Variants in LRBA observed in about 807,000 individuals in gnomAD.
The protein encoded by LRBA is LPS responsive beige-like anchor protein.
LRBA carries 176 observed loss-of-function variants against 330.0 expected under a neutral mutation model. That is an observed-to-expected ratio of 0.53 (90% CI 0.47 to 0.60). The LOEUF (loss-of-function observed/expected upper bound fraction) is 0.60. Ranked by LOEUF, LRBA falls within the 20% of genes least tolerant of loss-of-function variation. The pLI, the probability that LRBA is intolerant of heterozygous loss-of-function variation, is 0.00. For synonymous variants in LRBA, 1,230 were observed against 1,193.0 expected (o/e 1.03, Z -0.64); for missense variants, 3,259 against 3,444.8 (o/e 0.95, Z 1.35).
rs116718708 is a variant in LRBA, at chr4:150,792,574, C to A, written c.5580+5507G>T. 5.8e-3 allele frequency among the ~76,000 whole-genome samples: 878 copies of A among 152,234 alleles called. 6 individuals carry two copies. The highest frequency in any genetic ancestry group is 0.02 in the African/African-American group (827 of 41,524). On this transcript the variant is annotated intron_variant, in intron 34 of 56. Coordinates refer to ENST00000651943, the MANE Select transcript of LRBA (RefSeq NM_001364905.1). ...CCCAGACTGGAGTGCACCAGTGCGA[C>A]CCTAGCTCACTGTAACCTCGAATCT... is the stretch of plus-strand genomic sequence containing the variant.
chr4:150,842,901 G>A (rs116660998), intron 28 of LRBA, among the ~76,000 whole-genome samples: 15 of 152,096 alleles, frequency 9.9e-5, no homozygotes, highest in Non-Finnish European at 2.2e-4. Context: ...ACCTGTAGGG[G>A]GTAAGAGGCG....
chr4:150,341,773 AT>A (rs949019164), intron 48 of LRBA, among the ~76,000 whole-genome samples: 6 of 151,362 alleles, frequency 4.0e-5, no homozygotes, highest in Non-Finnish European at 8.8e-5. Flanking sequence ...TTTTAAAAAA[AT>A]ATATTTCTTA....
At chr4:150,922,921 T>A (rs571018861) in intron 4 of LRBA, among the ~76,000 whole-genome samples, 1 of 152,130 alleles carries the variant, frequency 6.6e-6, no homozygotes, top group African/African-American at 2.4e-5. Context: ...ATTTCCAAAG[T>A]CACATGGGTA....
At chr4:150,909,634 A>G (rs978982910) in intron 9 of LRBA, among the ~76,000 whole-genome samples, 1 of 152,174 alleles carries the variant, frequency 6.6e-6, no homozygotes, top group Non-Finnish European at 1.5e-5. Flanking sequence ...TTGTGTGCAA[A>G]TACGTCTCTG....
At chr4:150,693,063 A>G (rs948280454) in intron 36 of LRBA, among the ~76,000 whole-genome samples, 7 of 152,238 alleles carry the variant, frequency 4.6e-5, no homozygotes, top group African/African-American at 1.7e-4. Flanking sequence ...TATTCGGAAT[A>G]GCTAAAAATT....
intron 38 of LRBA, among the ~76,000 whole-genome samples, chr4:150,596,875 AAT>A (rs1344794693): frequency 6.6e-6 from 1 of 151,576 alleles, no homozygotes; most frequent in Admixed American, 6.6e-5. Flanking sequence ...AAATAAAATA[AAT>A]ATGAGGTAGG....
intron 36 of LRBA, among the ~76,000 whole-genome samples, chr4:150,697,661 T>G (rs1015568373): frequency 6.6e-6 from 1 of 152,152 alleles, no homozygotes; most frequent in Non-Finnish European, 1.5e-5. Flanking sequence ...AAATATTAAC[T>G]AGATTTGTAT....
chr4:150,432,453 C>CTTTTTTT lies in LRBA; in HGVS notation c.7041+3129_7041+3135dup, dbSNP rs35393002. 5.9e-3 allele frequency among the ~76,000 whole-genome samples: 581 copies of CTTTTTTT among 98,374 alleles called. 46 individuals are homozygous for CTTTTTTT. The highest frequency in any genetic ancestry group is 7.7e-3 in the Non-Finnish European group (419 of 54,760). The allele number at this position is 98,374 out of a possible 152,430, so 64.5% of individuals were successfully genotyped here. On this transcript the variant is annotated intron_variant, in intron 46 of 56. Coordinates refer to ENST00000651943, the MANE Select transcript of LRBA (RefSeq NM_001364905.1). ...TATATTACAGTAATTTAAGTGTGTT[C>CTTTTTTT]TTTTTTTTTTTTTTTTTTTTTTTTG...
At chr4:150,545,570 T>G (rs1765764955) in intron 40 of LRBA, among the ~76,000 whole-genome samples, 1 of 152,148 alleles carries the variant, frequency 6.6e-6, no homozygotes, top group South Asian at 2.1e-4. Context: ...CTTAACTCTG[T>G]GGTAAACAGG....
At chr4:150,780,715 C>T (rs900260683) in intron 34 of LRBA, among the ~76,000 whole-genome samples, 2 of 106,374 alleles carry the variant, frequency 1.9e-5, no homozygotes, top group East Asian at 2.8e-4. Flanking sequence ...AGTCCTAATA[C>T]ATATTATGCA....
chr4:150,850,936 T>A (rs1163133198), intron 23 of LRBA, 34 bp from the exon 24 acceptor site: 1 of 1,506,540 alleles, frequency 6.6e-7, no homozygotes, highest in Non-Finnish European at 9.1e-7. Context: ...ATAAAATAGG[T>A]TCAACTTCAG....
At chr4:150,290,435 A>C (rs1728125850) in intron 53 of LRBA, among the ~76,000 whole-genome samples, 1 of 152,212 alleles carries the variant, frequency 6.6e-6, no homozygotes, top group Admixed American at 6.5e-5. Context: ...CAAAGGCTAG[A>C]CCATAAAGCA....
At chr4:150,821,396 T>C (rs1745418700) in intron 30 of LRBA, among the ~76,000 whole-genome samples, 1 of 152,100 alleles carries the variant, frequency 6.6e-6, no homozygotes, top group Non-Finnish European at 1.5e-5. Flanking sequence ...TTGAGATTAG[T>C]AGTACATATT....
chr4:150,572,359 T>C (rs1419994333), intron 40 of LRBA, among the ~76,000 whole-genome samples: 1 of 152,140 alleles, frequency 6.6e-6, no homozygotes, highest in Non-Finnish European at 1.5e-5. Flanking sequence ...GGAATTAAAA[T>C]GGATTCTGAG....
At chr4:150,335,330 G>GA (rs1380379271) in intron 48 of LRBA, among the ~76,000 whole-genome samples, 1 of 151,142 alleles carries the variant, frequency 6.6e-6, no homozygotes, top group Non-Finnish European at 1.5e-5. Context: ...ACCAAAGAAA[G>GA]AAAAATTTCT....
At chr4:150,930,975 C>T (rs1258852162) in intron 2 of LRBA, among the ~76,000 whole-genome samples, 1 of 152,158 alleles carries the variant, frequency 6.6e-6, no homozygotes, top group Non-Finnish European at 1.5e-5. Context: ...ATCTATTATA[C>T]TATGAAATAT....
Position 150,852,007 on chromosome 4 carries a change from C to A in LRBA, c.3703G>T (p.Ala1235Ser), listed in dbSNP as rs1207665504. 6.2e-7 allele frequency: 1 copy of A among 1,613,988 alleles called. No homozygotes were observed. The highest frequency in any genetic ancestry group is 1.3e-5 in the African/African-American group (1 of 74,918). ...TTCGCAATCTTTTGCTCAGAAGAAGCCTCAGAGACACTACCATGACAATCA... is the reference window on the plus strand; with the variant it reads ...TTCGCAATCTTTTGCTCAGAAGAAGACTCAGAGACACTACCATGACAATCA... ...INDCHGSVSEASSEQKIAKLD... is the reference protein window; with the variant it reads ...INDCHGSVSESSSEQKIAKLD... The change falls in exon 23 of 57, where the codon GCT becomes TCT. Residue 1235 changes from alanine (A) to serine (S), a missense_variant. Ala to Ser is a moderately conservative substitution (Grantham distance 99). Transcript: ENST00000651943.
intron 46 of LRBA, among the ~76,000 whole-genome samples, chr4:150,430,710 ATAATT>A (rs1158908820): frequency 2.0e-5 from 3 of 151,968 alleles, no homozygotes; most frequent in Non-Finnish European, 4.4e-5. Context: ...TGTACAGGTT[ATAATT>A]TAATAATATA....
chr4:150,659,133 C>G (rs1327189772), intron 37 of LRBA, among the ~76,000 whole-genome samples: 2 of 137,006 alleles, frequency 1.5e-5, no homozygotes, highest in African/African-American at 5.2e-5. Context: ...TCTGCCCGGC[C>G]GCCACCCCGT....
Sources: gnomAD v4.1 joint callset for allele counts (sites outside exome capture counted in the v4.1 genomes callset) on GRCh38, gnomAD v4.1.1 for gene constraint, MANE v1.5 for transcripts, NCBI Gene and HGNC (gene_info 2026-07-23, HGNC 2026-07-21) for gene names.